GRM7: variants seen among roughly 807,000 people sequenced by gnomAD.
GRM7 encodes glutamate metabotropic receptor 7, also known as metabotropic glutamate receptor 7.
In GRM7, 35 loss-of-function variants were observed where a neutral mutation model predicts 84.5. That is an observed-to-expected ratio of 0.41 (90% confidence interval 0.32 to 0.55). GRM7 has a LOEUF of 0.55. GRM7 is among the 20% of genes least tolerant of loss of function. GRM7 has a pLI of 0.19. For synonymous variants in GRM7, 487 were observed against 455.1 expected (o/e 1.07, Z -0.89); for missense variants, 1,003 against 1,194.6 (o/e 0.84, Z 2.36).
At chr3:7,494,256 C>T (rs1274832894) in intron 7 of GRM7, among the ~76,000 whole-genome samples, 1 of 152,154 alleles carries the variant, frequency 6.6e-6, no homozygotes, top group Non-Finnish European at 1.5e-5. Context: ...ATAGACTTTA[C>T]AGTGAGCAGT....
At chr3:7,333,775 A>G (rs1701300798) in intron 4 of GRM7, among the ~76,000 whole-genome samples, 1 of 152,078 alleles carries the variant, frequency 6.6e-6, no homozygotes, top group African/African-American at 2.4e-5. Context: ...AAAAACAATC[A>G]AAACTTCTGG....
At chr3:7,645,546 T>TAAAAAAA (rs71043684) in intron 8 of GRM7, among the ~76,000 whole-genome samples, 37 of 87,774 alleles carry the variant, frequency 4.2e-4, no homozygotes, top group South Asian at 1.4e-3. Flanking sequence ...GACTCCATCT[T>TAAAAAAA]AAAAAAAAAA....
At chr3:7,487,433 A>T (rs899620865) in intron 7 of GRM7, among the ~76,000 whole-genome samples, 5 of 152,158 alleles carry the variant, frequency 3.3e-5, no homozygotes, top group Admixed American at 3.3e-4. Flanking sequence ...AATGGGAAAA[A>T]GGCCCAGAGA....
intron 2 of GRM7, among the ~76,000 whole-genome samples, chr3:7,199,319 GC>G (rs1403370724): frequency 6.6e-6 from 1 of 152,190 alleles, no homozygotes; most frequent in African/African-American, 2.4e-5. Flanking sequence ...TATGAGTGAG[GC>G]CTTCATGGGC....
intron 1 of GRM7, among the ~76,000 whole-genome samples, chr3:7,068,491 T>A (rs1697749228): frequency 6.6e-6 from 1 of 152,058 alleles, no homozygotes; most frequent in African/African-American, 2.4e-5. Context: ...ATGTATTTCA[T>A]GATCTTCTAT....
At chr3:7,204,215 G>C (rs566688995) in intron 2 of GRM7, among the ~76,000 whole-genome samples, 1 of 152,314 alleles carries the variant, frequency 6.6e-6, no homozygotes, top group African/African-American at 2.4e-5. Context: ...TTGTCAGACA[G>C]AAAGACAATG....
chr3:6,919,525 C>T, intron 1 of GRM7, among the ~76,000 whole-genome samples: 1 of 150,962 alleles, frequency 6.6e-6, no homozygotes, highest in Non-Finnish European at 1.5e-5. Context: ...TATTTTATAT[C>T]TTATGCTTCA....
chr3:7,543,639 T>A (rs1411185820), intron 7 of GRM7, among the ~76,000 whole-genome samples: 1 of 152,218 alleles, frequency 6.6e-6, no homozygotes, highest in Non-Finnish European at 1.5e-5. Flanking sequence ...CTGGGAAAGA[T>A]CCATACTTCT....
intron 4 of GRM7, among the ~76,000 whole-genome samples, chr3:7,334,254 C>A (rs1041858755): frequency 6.6e-6 from 1 of 152,042 alleles, no homozygotes; most frequent in Non-Finnish European, 1.5e-5. Flanking sequence ...CAGCAGATTT[C>A]TCGGCAGAAA....
chr3:7,452,817 C>CA lies in GRM7; in HGVS notation c.1375+15dup. 1 of 1,567,040 alleles carries CA rather than the reference C, an allele frequency of 6.4e-7. No homozygotes were observed. Among genetic ancestry groups the CA allele is most frequent in the Non-Finnish European group, 8.8e-7 (1 of 1,138,450 alleles). ...AATGTTAATTTCAATGGTGAGTCTC[C>CA]AAAAATCCATCCTTTTTGGAATCCT... On this transcript the variant is annotated intron_variant, in intron 6 of 9. Transcript: ENST00000357716.
At chr3:7,249,979 T>TG (rs1383387202) in intron 2 of GRM7, among the ~76,000 whole-genome samples, 5 of 152,194 alleles carry the variant, frequency 3.3e-5, no homozygotes, top group African/African-American at 1.2e-4. Flanking sequence ...TTCAAGGACA[T>TG]GGTCAGAGGA....
chr3:6,899,905 T>A (rs577008372), intron 1 of GRM7, among the ~76,000 whole-genome samples: 29 of 152,308 alleles, frequency 1.9e-4, no homozygotes, highest in African/African-American at 6.3e-4. Context: ...GTGTGTGACA[T>A]AAACCCATTT....
intron 7 of GRM7, among the ~76,000 whole-genome samples, chr3:7,566,202 T>C: frequency 6.6e-6 from 1 of 151,684 alleles, no homozygotes; most frequent in East Asian, 1.9e-4. Context: ...TTTCTACCAT[T>C]GTTTTAGCAT....
At chr3:7,070,596 A>T (rs994492607) in intron 1 of GRM7, among the ~76,000 whole-genome samples, 1 of 151,884 alleles carries the variant, frequency 6.6e-6, no homozygotes, top group Non-Finnish European at 1.5e-5. Flanking sequence ...CCGGATGACA[A>T]TTTTTTTTAA....
chr3:7,414,146 G>T (rs539187562), intron 4 of GRM7, among the ~76,000 whole-genome samples: 1 of 152,008 alleles, frequency 6.6e-6, no homozygotes. Context: ...CATTTTTATG[G>T]CCTTACAGGT....
chr3:7,068,633 T>C (rs971047309), intron 1 of GRM7, among the ~76,000 whole-genome samples: 4 of 152,020 alleles, frequency 2.6e-5, no homozygotes, highest in Non-Finnish European at 4.4e-5. Flanking sequence ...AGGATTATTT[T>C]TGCTAGTAAG....
intron 8 of GRM7, among the ~76,000 whole-genome samples, chr3:7,615,181 G>A (rs566064140): frequency 1.3e-5 from 2 of 152,146 alleles, no homozygotes; most frequent in East Asian, 1.9e-4. Context: ...TGATATGTGT[G>A]TATATGTGTG....
intron 1 of GRM7, among the ~76,000 whole-genome samples, chr3:6,865,862 C>T (rs1464818833): frequency 1.3e-5 from 2 of 151,080 alleles, no homozygotes; most frequent in East Asian, 3.9e-4. Flanking sequence ...CTTTAACCTA[C>T]ACTTTTTATA....
chr3:7,140,490 C>A (rs9813030), intron 1 of GRM7, among the ~76,000 whole-genome samples: 5 of 151,866 alleles, frequency 3.3e-5, no homozygotes, highest in African/African-American at 9.7e-5. Flanking sequence ...CCAGATTTGC[C>A]ACTTACTTAT....
Sources: allele counts gnomAD v4.1 joint callset (sites outside exome capture counted in the v4.1 genomes callset), GRCh38; gene constraint gnomAD v4.1.1; transcripts MANE v1.5; gene names NCBI Gene and HGNC (gene_info 2026-07-23, HGNC 2026-07-21).